Variants in AHRR observed in about 807,000 individuals in gnomAD.
AHRR encodes the protein ahR repressor.
In AHRR, 28 loss-of-function variants were observed where a neutral mutation model predicts 44.0. The ratio of observed to expected loss-of-function variants is 0.64; its 90% CI spans 0.47 to 0.87. The LOEUF (loss-of-function observed/expected upper bound fraction) is 0.87. Ranked by LOEUF, AHRR falls within the 40% of genes least tolerant of loss-of-function variation. AHRR has a pLI of 0.00. For missense variants in AHRR, 990 were observed against 953.9 expected (o/e 1.04, Z -0.50); for synonymous variants, 434 against 407.0 (o/e 1.07, Z -0.80).
rs1409733943 is a variant in AHRR at position 326,623 on chromosome 5, A to G, written c.-11+4804A>G. On this transcript the variant is annotated intron_variant, in intron 1 of 10. Coordinates refer to ENST00000684583, the MANE Select transcript of AHRR (RefSeq NM_001377236.1). This position sits in a 1 kb window ranked among gnomAD's most constrained non-coding sequence, Gnocchi z 4.1. The stretch of plus-strand genomic sequence containing the variant: ...CCTAGGAGTGGAGTTACTGGATCAT[A>G]TAGTGATTCTGTGTTTAACTTTTTG... Among the ~76,000 whole-genome samples the G allele has an allele frequency of 6.6e-6, 1 of 152,180 alleles. No homozygotes were observed. The highest frequency in any genetic ancestry group is 1.5e-5 in the Non-Finnish European group (1 of 68,038).
intron 3 of AHRR, chr5:367,988 G>T (rs1160946481): frequency 1.4e-6 from 1 of 698,874 alleles, no homozygotes. Flanking sequence ...CTGTAGTGAT[G>T]TGTGAGGACA....
At chr5:423,577 C>G (rs192170603) in intron 6 of AHRR, among the ~76,000 whole-genome samples, 1 of 152,298 alleles carries the variant, frequency 6.6e-6, no homozygotes, top group African/African-American at 2.4e-5. Flanking sequence ...CATGCAAGAC[C>G]CTTCTGTAAA....
rs540440530 is a variant in AHRR, at chr5:405,723, A to G, written c.352-7621A>G. ...GACCACCAGCTCCTCCGCTCTCTCC[A>G]TCGGTCGTAACATCTTACTGCTCCC... On this transcript the variant is annotated intron_variant, in intron 4 of 10. Coordinates refer to ENST00000684583, the MANE Select transcript of AHRR (RefSeq NM_001377236.1). This position sits in a 1 kb window ranked among gnomAD's most constrained non-coding sequence, Gnocchi z 4.5. Among the ~76,000 whole-genome samples the G allele has an allele frequency of 1.3e-5, 2 of 152,282 alleles. No individual in the cohort carries two copies. The highest frequency in any genetic ancestry group is 2.1e-4 in the South Asian group (1 of 4,818).
intron 2 of AHRR, among the ~76,000 whole-genome samples, chr5:347,411 G>A (rs951064637): frequency 5.3e-5 from 8 of 152,172 alleles, no homozygotes; most frequent in African/African-American, 4.8e-5. Flanking sequence ...TTTACATCAC[G>A]ATTAGGAAGA....
intron 2 of AHRR, among the ~76,000 whole-genome samples, chr5:352,026 G>A (rs1742873955): frequency 6.6e-6 from 1 of 152,260 alleles, no homozygotes; most frequent in South Asian, 2.1e-4. Flanking sequence ...AAGTCAGGTG[G>A]CCTCGTTCCT....
intron 9 of AHRR, 120 bp downstream of exon 9, chr5:432,644 G>A: frequency 6.7e-7 from 1 of 1,503,088 alleles, no homozygotes; most frequent in Non-Finnish European, 9.2e-7. Context: ...ATTTTGCAGA[G>A]ACTTGGTGTC....
At chr5:351,317 C>T (rs759420631) in intron 2 of AHRR, among the ~76,000 whole-genome samples, 6 of 152,164 alleles carry the variant, frequency 3.9e-5, no homozygotes, top group East Asian at 3.8e-4. Flanking sequence ...TTCACTGCAC[C>T]GATACTCACG....
At chr5:385,003 G>A (rs1734114208) in intron 4 of AHRR, among the ~76,000 whole-genome samples, 1 of 152,096 alleles carries the variant, frequency 6.6e-6, no homozygotes, top group Non-Finnish European at 1.5e-5. Context: ...AATTATCCGG[G>A]CGTGGTGGCA....
In AHRR at chr5:345,918, C is replaced by T. The variant is rs1050846611; in HGVS notation, c.62+1954C>T. ...TAAACAGTAAAGAGATCCCATGTCC[C>T]GCAGGGAGACCTTACCTTGTCCCTC... On this transcript the variant is annotated intron_variant, in intron 2 of 10. Coordinates refer to ENST00000684583, the MANE Select transcript of AHRR (RefSeq NM_001377236.1). 5.3e-5 allele frequency among the ~76,000 whole-genome samples: 8 copies of T among 152,210 alleles called. No individual in the cohort carries two copies. The South Asian group carries it at 1.0e-3, about 20-fold the overall frequency.
intron 4 of AHRR, among the ~76,000 whole-genome samples, chr5:396,254 G>T (rs146305719): frequency 2.0e-5 from 3 of 152,182 alleles, no homozygotes; most frequent in Admixed American, 1.3e-4. Flanking sequence ...CCTCAGGGGA[G>T]GCATGGGGGC....
At chr5:362,205 T>G (rs1439843136) in intron 3 of AHRR, among the ~76,000 whole-genome samples, 3 of 152,206 alleles carry the variant, frequency 2.0e-5, no homozygotes, top group Non-Finnish European at 4.4e-5. Flanking sequence ...CATGTGAAGA[T>G]GCAGTGAGAA....
At chr5:424,099 AC>A (rs1736266653) in intron 7 of AHRR, 122 bp downstream of exon 7, 2 of 1,372,406 alleles carry the variant, frequency 1.5e-6, no homozygotes, top group East Asian at 2.4e-5. Context: ...TGGTGGAGGG[AC>A]GGGGGCCGGT....
Position 411,701 on chromosome 5 carries a change from G to A in AHRR, c.352-1643G>A, listed in dbSNP as rs1305855571. Among the ~76,000 whole-genome samples the A allele has an allele frequency of 6.6e-6, 1 of 152,066 alleles. No individual in the cohort carries two copies. The highest frequency in any genetic ancestry group is 1.5e-5 in the Non-Finnish European group (1 of 68,018). On this transcript the variant is annotated intron_variant, in intron 4 of 10. Transcript: ENST00000684583. This position sits in a 1 kb window ranked among gnomAD's most constrained non-coding sequence, Gnocchi z 4.2. ...GCAAAGATTTCAAAAAAAGAAAAAA[G>A]GAAAATAAAAGTACCCAGCATGGTC...
At position 353,917 on chromosome 5, in the gene AHRR, A is replaced by T. The variant is rs1560888837; in HGVS notation, c.244+6A>T. On this transcript the variant is annotated splice_donor_region_variant and intron_variant, in intron 3 of 10. Transcript: ENST00000684583. ...GGTGAAGAGCTTCTTCCAAGGTAGG[A>T]CTCTCACCTGCTCCCACCTGTTCAC... is the stretch of plus-strand genomic sequence containing the variant. The T allele has an allele frequency of 1.2e-6, 2 of 1,610,490 alleles. No individual in the cohort carries two copies. The highest frequency in any genetic ancestry group is 1.1e-5 in the South Asian group (1 of 90,506).
intron 3 of AHRR, 53 bp from the exon 4 acceptor site, chr5:376,557 A>AACGGGGGGAAACACAGGAAAGAT: frequency 7.0e-7 from 1 of 1,423,180 alleles, no homozygotes; most frequent in Non-Finnish European, 9.5e-7. Context: ...AATGAAGAAG[A>AACGGGGGGAAACACAGGAAAGAT]GTGGCCAGGC....
At chr5:361,103 G>A (rs551458597) in intron 3 of AHRR, among the ~76,000 whole-genome samples, 2 of 152,274 alleles carry the variant, frequency 1.3e-5, no homozygotes, top group East Asian at 1.9e-4. Flanking sequence ...ATAAAAATTA[G>A]CCAGGCATGG....
rs201087017 is a variant in AHRR, at chr5:344,803, CTGTG to C, written c.62+844_62+847del. On this transcript the variant is annotated intron_variant, in intron 2 of 10. Transcript: ENST00000684583. ...TGCGGGTGTGCGAGGCTGTGTGAGA[CTGTG>C]TGTGCGGGTGTGTGTGGGGGACTGT... Among the ~76,000 whole-genome samples the C allele has an allele frequency of 3.8e-5, 3 of 79,898 alleles. 1 individual carries two copies. The highest frequency in any genetic ancestry group is 1.8e-4 in the African/African-American group (2 of 10,960). The allele number at this position is 79,898 out of a possible 152,430, so 52.4% of individuals were successfully genotyped here.
chr5:422,976 CT>C, intron 6 of AHRR, 118 bp downstream of exon 6: 1 of 1,352,280 alleles, frequency 7.4e-7, no homozygotes, highest in Non-Finnish European at 9.9e-7. Context: ...ACACATTGAC[CT>C]TAGCGCCAAA....
chr5:403,456 T>C (rs1355638970), intron 4 of AHRR, among the ~76,000 whole-genome samples: 2 of 152,056 alleles, frequency 1.3e-5, no homozygotes, highest in Non-Finnish European at 2.9e-5. Context: ...GCCAACATGG[T>C]GAAACGCTGT....
Sources: gnomAD v4.1 joint callset for allele counts (sites outside exome capture counted in the v4.1 genomes callset) on GRCh38, gnomAD v4.1.1 for gene constraint, Gnocchi (gnomAD v3.1) non-coding constraint, MANE v1.5 for transcripts, NCBI Gene and HGNC (gene_info 2026-07-23, HGNC 2026-07-21) for gene names.